The following GLIS3 variants were observed in gnomAD, a reference collection of about 807,000 sequenced individuals.
GLIS3 encodes GLIS family zinc finger 3, also known as zinc finger protein GLIS3.
Under a neutral mutation model 78.6 loss-of-function variants are expected in GLIS3, and 53 were observed. The observed-to-expected ratio is 0.67, with a 90% CI of 0.54 to 0.85. The LOEUF (loss-of-function observed/expected upper bound fraction) is 0.85. Ranked by LOEUF, GLIS3 falls within the 40% of genes least tolerant of loss-of-function variation. The probability of loss-of-function intolerance (pLI) is 0.00; values close to 1 mark genes in which losing one functional copy is unlikely to be tolerated. For missense variants in GLIS3, 1,703 were observed against 1,231.1 expected (o/e 1.38, Z -5.74); for synonymous variants, 684 against 509.9 (o/e 1.34, Z -4.60).
chr9:4,339,315 A>G (rs1817799969), intron 2 of GLIS3, among the ~76,000 whole-genome samples: 6 of 152,182 alleles, frequency 3.9e-5, no homozygotes, highest in African/African-American at 1.2e-4. Context: ...ATTTGGAGAA[A>G]ATGTTTCATT....
intron 2 of GLIS3, among the ~76,000 whole-genome samples, chr9:4,142,667 C>T (rs1564110445): frequency 6.6e-6 from 1 of 152,062 alleles, no homozygotes; most frequent in Non-Finnish European, 1.5e-5. Flanking sequence ...AATAAATCCC[C>T]AAAAGTCATC....
intron 7 of GLIS3, among the ~76,000 whole-genome samples, chr9:3,894,379 A>T (rs191680891): frequency 6.6e-6 from 1 of 152,338 alleles, no homozygotes; most frequent in African/African-American, 2.4e-5. Context: ...AACAGACTAT[A>T]TGAAGCACTT....
intron 4 of GLIS3, among the ~76,000 whole-genome samples, chr9:4,096,904 C>A (rs1481403439): frequency 6.6e-6 from 1 of 152,004 alleles, no homozygotes; most frequent in Non-Finnish European, 1.5e-5. Flanking sequence ...CCCAGCTACT[C>A]GGGAGGCTGA....
At chr9:4,322,299 T>C (rs960839182) in intron 2 of GLIS3, among the ~76,000 whole-genome samples, 1 of 152,238 alleles carries the variant, frequency 6.6e-6, no homozygotes, top group Non-Finnish European at 1.5e-5. Flanking sequence ...TTGGGTTGGT[T>C]CGAAGTCTGT....
intron 2 of GLIS3, among the ~76,000 whole-genome samples, chr9:4,162,727 C>A (rs189916886): frequency 6.6e-6 from 1 of 152,044 alleles, no homozygotes; most frequent in East Asian, 1.9e-4. Flanking sequence ...CATAGTGGCA[C>A]ACACCTGTAA....
At chr9:4,397,658 AAGGAAGGAAGGG>A in the GLIS3 span, among the ~76,000 whole-genome samples, 2 of 117,918 alleles carry the variant, frequency 1.7e-5, no homozygotes, top group Non-Finnish European at 1.6e-5. Context: ...GAAGAAAAGG[AAGGAAGGAAGGG>A]AGGGAGGAAG....
At chr9:4,474,776 A>C in the GLIS3 span, among the ~76,000 whole-genome samples, 1 of 147,290 alleles carries the variant, frequency 6.8e-6, no homozygotes, top group African/African-American at 2.5e-5. Context: ...GGCTCACTGC[A>C]GCCTCAACCT....
chr9:3,856,132 C>A lies in GLIS3; in HGVS notation c.2350G>T (p.Ala784Ser). Residue 784 changes from alanine to serine, a missense_variant, in exon 9 of 11, where the codon GCT (alanine) becomes TCT (serine). Ala to Ser is a moderately conservative substitution (Grantham distance 99, BLOSUM62 1). Transcript: ENST00000381971. ...PHHISPRRVP[A>S]PSSILQRTQP... ...GTTCTTTGCAGTATTGAAGAAGGAG[C>A]TGGAACTCTCCGGGGGCTGATGTGG... 1.2e-6 allele frequency: 2 copies of A among 1,614,114 alleles called. No homozygotes were observed. The highest frequency in any genetic ancestry group is 1.7e-6 in the Non-Finnish European group (2 of 1,180,000).
intron 7 of GLIS3, 84 bp from the exon 8 acceptor site, chr9:3,879,679 A>T: frequency 7.0e-7 from 1 of 1,435,722 alleles, no homozygotes. Context: ...CAGCAAGCAT[A>T]TTTGAGGGGC....
At chr9:3,842,426 C>A (rs892167820) in intron 9 of GLIS3, among the ~76,000 whole-genome samples, 1 of 152,164 alleles carries the variant, frequency 6.6e-6, no homozygotes, top group African/African-American at 2.4e-5. Flanking sequence ...GAGCCTAGAT[C>A]ACACCACTGC....
At chr9:4,290,941 A>G (rs528684615) in intron 1 of GLIS3, among the ~76,000 whole-genome samples, 1 of 152,264 alleles carries the variant, frequency 6.6e-6, no homozygotes, top group East Asian at 1.9e-4. Flanking sequence ...ATGATAACCC[A>G]TAACAAGGTA....
chr9:4,248,856 T>C (rs898395419), intron 2 of GLIS3, among the ~76,000 whole-genome samples: 1 of 152,218 alleles, frequency 6.6e-6, no homozygotes, highest in African/African-American at 2.4e-5. Context: ...TGACATTTTT[T>C]TCATGTTTGT....
intron 2 of GLIS3, among the ~76,000 whole-genome samples, chr9:4,240,264 T>C (rs537660463): frequency 6.6e-6 from 1 of 152,170 alleles, no homozygotes; most frequent in South Asian, 2.1e-4. Context: ...TAGATTATCA[T>C]AAGGAACGCA....
At chr9:4,072,368 A>T (rs1305948353) in intron 4 of GLIS3, among the ~76,000 whole-genome samples, 3 of 152,238 alleles carry the variant, frequency 2.0e-5, no homozygotes, top group Non-Finnish European at 4.4e-5. Flanking sequence ...CCCTTAGTTG[A>T]CAAGTCCAAA....
intron 2 of GLIS3, among the ~76,000 whole-genome samples, chr9:4,169,324 A>G (rs1816163022): frequency 6.6e-6 from 1 of 152,228 alleles, no homozygotes. Flanking sequence ...ACCAGTTTGA[A>G]CACCCTAAGA....
the GLIS3 span, among the ~76,000 whole-genome samples, chr9:4,482,001 G>T: frequency 1.3e-5 from 2 of 152,034 alleles, no homozygotes; most frequent in African/African-American, 4.8e-5. Context: ...GGTAAATATT[G>T]GTTTAAACTT....
At chr9:4,440,780 T>G in the GLIS3 span, among the ~76,000 whole-genome samples, 1 of 152,242 alleles carries the variant, frequency 6.6e-6, no homozygotes, top group Non-Finnish European at 1.5e-5. Flanking sequence ...TTAATTCTTC[T>G]AATTCATGCA....
upstream of GLIS3, among the ~76,000 whole-genome samples, chr9:4,349,911 G>C (rs1362020101): frequency 6.6e-6 from 1 of 152,224 alleles, no homozygotes; most frequent in Non-Finnish European, 1.5e-5. Context: ...TGAATCTTCT[G>C]TGGGGCCTGT....
the GLIS3 span, among the ~76,000 whole-genome samples, chr9:4,459,831 G>A: frequency 1.3e-5 from 2 of 152,062 alleles, no homozygotes; most frequent in Non-Finnish European, 2.9e-5. Context: ...AAGAAAAAGC[G>A]GGAGAAAAAG....
Sources: gnomAD v4.1 joint callset for allele counts (sites outside exome capture counted in the v4.1 genomes callset) on GRCh38, gnomAD v4.1.1 for gene constraint, MANE v1.5 for transcripts, NCBI Gene and HGNC (gene_info 2026-07-23, HGNC 2026-07-21) for gene names.